The following FARP1 variants were observed in gnomAD, a reference collection of about 807,000 sequenced individuals.
The protein encoded by FARP1 is FERM, ARHGEF and pleckstrin domain-containing protein 1.
A neutral mutation model predicts 128.8 loss-of-function variants in FARP1; 52 were observed. That is an observed-to-expected ratio of 0.40 (90% CI 0.32 to 0.51). The LOEUF (loss-of-function observed/expected upper bound fraction) is 0.51, where lower values mean the gene tolerates loss of function less well. FARP1 is among the 20% of genes least tolerant of loss of function. FARP1 has a pLI of 0.45. For missense variants in FARP1, 1,333 were observed against 1,367.9 expected, an observed-to-expected ratio of 0.97 and a Z score of 0.40; for synonymous variants, 580 against 551.8, an observed-to-expected ratio of 1.05 and a Z score of -0.72.
rs570594103 is a variant in FARP1 at position 98,213,702 on chromosome 13, A to G, written c.171+289A>G. ...ATATATGTAATCTAAGTGCATATGT[A>G]TATGTTATGTATATATATGTAACTG... On this transcript the variant is annotated intron_variant, in intron 2 of 26. Transcript: ENST00000319562. Among the ~76,000 whole-genome samples, 19 of 152,312 alleles carry G rather than the reference A, an allele frequency of 1.2e-4. No individual in the cohort carries two copies. The South Asian group carries it at 3.9e-3, about 32-fold the overall frequency.
chr13:98,267,075 C>G (rs1384876825), intron 2 of FARP1, among the ~76,000 whole-genome samples: 1 of 150,802 alleles, frequency 6.6e-6, no homozygotes, highest in Non-Finnish European at 1.5e-5. Flanking sequence ...TATTATTTCA[C>G]CTAGGTGTTA....
At position 98,229,568 on chromosome 13, in the gene FARP1, A is replaced by G. The variant is rs1162247264; in HGVS notation, c.171+16155A>G. On this transcript the variant is annotated intron_variant, in intron 2 of 26. Coordinates refer to ENST00000319562, the MANE Select transcript of FARP1 (RefSeq NM_005766.4). ...CTAGAGCAAGTGCAGTGGTGCCGTC[A>G]TGGCTCACTGCAGCCTCAACCACCT... Among the ~76,000 whole-genome samples, 3 of 151,624 alleles carry G rather than the reference A, an allele frequency of 2.0e-5. No individual in the cohort carries two copies. In the East Asian group the frequency reaches 5.8e-4, roughly 30 times the overall value.
chr13:98,290,162 G>T (rs558868101), intron 2 of FARP1, among the ~76,000 whole-genome samples: 1 of 151,958 alleles, frequency 6.6e-6, no homozygotes, highest in South Asian at 2.1e-4. Context: ...CCTTGTAGAG[G>T]GCTGGGAACT....
At chr13:98,311,084 C>G (rs1037200524) in intron 2 of FARP1, among the ~76,000 whole-genome samples, 8 of 152,206 alleles carry the variant, frequency 5.3e-5, no homozygotes, top group South Asian at 2.1e-4. Context: ...TCATTAACTT[C>G]TTAGTTACAG....
At chr13:98,422,586 A>C (rs886924897) in intron 16 of FARP1, among the ~76,000 whole-genome samples, 24 of 152,170 alleles carry the variant, frequency 1.6e-4, no homozygotes, top group South Asian at 2.1e-4. Context: ...CCTGTGATGT[A>C]ATTTGCACTA....
At chr13:98,363,726 T>G (rs1888969571) in intron 3 of FARP1, among the ~76,000 whole-genome samples, 2 of 152,164 alleles carry the variant, frequency 1.3e-5, no homozygotes, top group Admixed American at 6.5e-5. Context: ...CTGTGACTCC[T>G]GTCTTTTGAA....
chr13:98,439,772 C>T (rs1172747840), intron 21 of FARP1, among the ~76,000 whole-genome samples, 189 bp from the exon 22 acceptor site: 1 of 152,116 alleles, frequency 6.6e-6, no homozygotes, highest in Non-Finnish European at 1.5e-5. Flanking sequence ...CAGTGTGCCG[C>T]GATCTTCCTG....
intron 1 of FARP1, among the ~76,000 whole-genome samples, chr13:98,180,248 C>G (rs1878411015): frequency 6.6e-6 from 1 of 152,088 alleles, no homozygotes; most frequent in Non-Finnish European, 1.5e-5. Flanking sequence ...AAAGGGGGAG[C>G]AGGCTGTGTC....
At chr13:98,418,501 C>T (rs1485035576) in intron 16 of FARP1, among the ~76,000 whole-genome samples, 3 of 152,218 alleles carry the variant, frequency 2.0e-5, no homozygotes, top group Non-Finnish European at 4.4e-5. Context: ...TCTTGAACTC[C>T]TGACCTCAAG....
At chr13:98,216,509 C>T (rs1315504056) in intron 2 of FARP1, among the ~76,000 whole-genome samples, 1 of 152,206 alleles carries the variant, frequency 6.6e-6, no homozygotes, top group Non-Finnish European at 1.5e-5. Flanking sequence ...GAAGTCCCTG[C>T]AGTTTCCTTT....
intron 3 of FARP1, among the ~76,000 whole-genome samples, chr13:98,361,645 G>A (rs1888877689): frequency 6.6e-6 from 1 of 152,158 alleles, no homozygotes; most frequent in Admixed American, 6.5e-5. Context: ...GTATCCTCCA[G>A]CCCTCTGATT....
rs568502876 is a variant in FARP1 at position 98,248,767 on chromosome 13, G to A, written c.171+35354G>A. Reference sequence around the variant, plus strand: ...CTCAGCTCTCGCGCTGGAAACAGGTGCCTTTTTGATGATCTAGTTAGTGCC... The same window carrying A: ...CTCAGCTCTCGCGCTGGAAACAGGTACCTTTTTGATGATCTAGTTAGTGCC... On this transcript the variant is annotated intron_variant, in intron 2 of 26. Coordinates refer to ENST00000319562, the MANE Select transcript of FARP1 (RefSeq NM_005766.4). Among the ~76,000 whole-genome samples the A allele has an allele frequency of 3.3e-5, 5 of 151,940 alleles. No homozygotes were observed. In the East Asian group the frequency reaches 7.7e-4, roughly 23 times the overall value.
intron 5 of FARP1, among the ~76,000 whole-genome samples, chr13:98,372,196 T>C (rs2772352): frequency 1.3e-5 from 2 of 151,520 alleles, no homozygotes; most frequent in Non-Finnish European, 2.9e-5. Flanking sequence ...AAGCGATTCT[T>C]CTGCATCAGC....
chr13:98,273,450 G>A lies in FARP1; in HGVS notation c.171+60037G>A, dbSNP rs114951802. On this transcript the variant is annotated intron_variant, in intron 2 of 26. Transcript: ENST00000319562. ...AACTCCAAAAGGGAGGGGATGTAAC[G>A]AGGTATGTCTAACCTCCCTTCCCAT... Among the ~76,000 whole-genome samples the A allele has an allele frequency of 2.9e-3, 447 of 152,312 alleles. 2 individuals carry two copies. The highest frequency in any genetic ancestry group is 0.01 in the African/African-American group (421 of 41,572).
intron 2 of FARP1, among the ~76,000 whole-genome samples, chr13:98,322,602 C>G (rs1357824447): frequency 6.6e-6 from 1 of 152,146 alleles, no homozygotes; most frequent in African/African-American, 2.4e-5. Context: ...GCCATGCGAC[C>G]AAGACCCGGA....
At chr13:98,192,737 T>C (rs1231766419) in intron 1 of FARP1, among the ~76,000 whole-genome samples, 1 of 152,192 alleles carries the variant, frequency 6.6e-6, no homozygotes, top group Non-Finnish European at 1.5e-5. Flanking sequence ...AAAAATTTCC[T>C]GGGCCATTTT....
intron 3 of FARP1, among the ~76,000 whole-genome samples, chr13:98,344,304 G>A (rs1888090576): frequency 8.5e-5 from 13 of 152,120 alleles, no homozygotes; most frequent in Admixed American, 8.5e-4. Flanking sequence ...GGGGCTGGCA[G>A]GAGCTGGATG....
chr13:98,205,484 C>G (rs1484124516), intron 1 of FARP1, among the ~76,000 whole-genome samples: 1 of 151,400 alleles, frequency 6.6e-6, no homozygotes, highest in Non-Finnish European at 1.5e-5. Flanking sequence ...GCTCCACCTC[C>G]CGGGTTCATG....
chr13:98,248,378 C>T (rs141485486), intron 2 of FARP1, among the ~76,000 whole-genome samples: 39 of 152,228 alleles, frequency 2.6e-4, no homozygotes, highest in African/African-American at 7.5e-4. Context: ...TGTTTCTCCC[C>T]GGGTAGAGGG....
Sources: gnomAD v4.1 joint callset for allele counts (sites outside exome capture counted in the v4.1 genomes callset) on GRCh38, gnomAD v4.1.1 for gene constraint, MANE v1.5 for transcripts, NCBI Gene and HGNC (gene_info 2026-07-23, HGNC 2026-07-21) for gene names.